Variants in TCF20 observed in about 807,000 individuals in gnomAD.
TCF20 encodes the protein SPRE-binding protein.
Under a neutral mutation model 148.6 loss-of-function variants are expected in TCF20, and 3 were observed. The ratio of observed to expected loss-of-function variants is 0.02; its 90% confidence interval spans 0.01 to 0.05. The LOEUF (loss-of-function observed/expected upper bound fraction) is 0.05, where lower values mean the gene tolerates loss of function less well. Among genes scored for constraint, TCF20 ranks in the 10% least tolerant of loss-of-function variants. TCF20 has a pLI of 1.00. For synonymous variants in TCF20, 1,049 were observed against 909.5 expected (o/e 1.15, Z -2.76); for missense variants, 2,350 against 2,429.3 (o/e 0.97, Z 0.69).
At chr22:42,335,013 C>T (rs1412196537) in intron 1 of TCF20, among the ~76,000 whole-genome samples, 1 of 152,156 alleles carries the variant, frequency 6.6e-6, no homozygotes. Flanking sequence ...CAGAGCTGTA[C>T]ACCCTCTGGG....
chr22:42,253,006 G>A (rs1925503511), intron 1 of TCF20, among the ~76,000 whole-genome samples: 1 of 152,004 alleles, frequency 6.6e-6, no homozygotes, highest in African/African-American at 2.4e-5. Flanking sequence ...ACTGAATCAG[G>A]TCAATAAGAG....
At chr22:42,230,789 G>A (rs1233097334) in intron 1 of TCF20, among the ~76,000 whole-genome samples, 1 of 151,956 alleles carries the variant, frequency 6.6e-6, no homozygotes, top group Admixed American at 6.6e-5. Context: ...CCCTGTGTAG[G>A]TTTAGGCTAA....
At chr22:42,196,606 A>G (rs1454513593) in intron 2 of TCF20, among the ~76,000 whole-genome samples, 1 of 152,226 alleles carries the variant, frequency 6.6e-6, no homozygotes, top group East Asian at 1.9e-4. Context: ...TTCACCTGAC[A>G]TGTGTCTGAA....
chr22:42,327,576 AC>A (rs1927897029), intron 1 of TCF20, among the ~76,000 whole-genome samples: 1 of 152,046 alleles, frequency 6.6e-6, no homozygotes, highest in Admixed American at 6.6e-5. Context: ...ACACATTCCC[AC>A]AATAAGTCCT....
At chr22:42,165,939 C>T (rs1210532758) in intron 5 of TCF20, among the ~76,000 whole-genome samples, 4 of 152,210 alleles carry the variant, frequency 2.6e-5, no homozygotes, top group African/African-American at 7.2e-5. Flanking sequence ...CACGCACATT[C>T]GCTGTCTGTT....
chr22:42,281,186 A>G (rs1926894938), intron 1 of TCF20, among the ~76,000 whole-genome samples: 1 of 152,118 alleles, frequency 6.6e-6, no homozygotes, highest in South Asian at 2.1e-4. Context: ...GCTGGTCCTG[A>G]GACTCCAAAT....
chr22:42,334,149 A>G (rs1928025536), intron 1 of TCF20, among the ~76,000 whole-genome samples: 1 of 152,110 alleles, frequency 6.6e-6, no homozygotes, highest in Non-Finnish European at 1.5e-5. Context: ...CCTCCCTGGG[A>G]CCTTGGGTGG....
At chr22:42,245,915 A>G (rs942394357) in intron 1 of TCF20, among the ~76,000 whole-genome samples, 8 of 152,136 alleles carry the variant, frequency 5.3e-5, no homozygotes, top group African/African-American at 1.9e-4. Flanking sequence ...AGCCAGCTCT[A>G]TGGTCAAATT....
chr22:42,161,277 G>T lies in TCF20; in HGVS notation c.*126C>A. On this transcript the variant is annotated 3_prime_UTR_variant, in exon 6 of 6. Coordinates refer to ENST00000677622, the MANE Select transcript of TCF20 (RefSeq NM_001378418.1). ...AGGCACGCGGGCGGGGCGGGGCGGG[G>T]CAGGGCAGGGTGTGGCTGCACGGTA... is the stretch of plus-strand genomic sequence containing the variant. 4 of 1,604,474 alleles carry T rather than the reference G, an allele frequency of 2.5e-6. No individual in the cohort carries two copies. Among genetic ancestry groups the T allele is most frequent in the Non-Finnish European group, 3.4e-6 (4 of 1,174,738 alleles).
At position 42,322,072 on chromosome 22, in the gene TCF20, C is replaced by T. The variant is rs969663321; in HGVS notation, c.-37+21407G>A. The stretch of plus-strand genomic sequence containing the variant: ...AACAAGGCCCAGCACTCAGCAATTG[C>T]TCAATAAATATGAGCAGGTATTACG... On this transcript the variant is annotated intron_variant, in intron 1 of 1. Transcript: ENST00000515426. 7.9e-5 allele frequency among the ~76,000 whole-genome samples: 12 copies of T among 151,988 alleles called. No homozygotes were observed. The East Asian group carries it at 2.3e-3, about 29-fold the overall frequency.
intron 2 of TCF20, among the ~76,000 whole-genome samples, chr22:42,203,202 A>G (rs1938159423): frequency 1.3e-5 from 2 of 151,874 alleles, no homozygotes; most frequent in Non-Finnish European, 2.9e-5. Flanking sequence ...TAATTTTCGT[A>G]TTTTTGGTAG....
intron 2 of TCF20, among the ~76,000 whole-genome samples, chr22:42,181,788 T>C (rs1663509337): frequency 1.3e-5 from 2 of 151,824 alleles, no homozygotes; most frequent in Admixed American, 1.3e-4. Flanking sequence ...TCAAAAAATG[T>C]TTTTGTAGAG....
intron 1 of TCF20, among the ~76,000 whole-genome samples, chr22:42,220,960 C>A (rs904514316): frequency 6.6e-6 from 1 of 152,192 alleles, no homozygotes; most frequent in Non-Finnish European, 1.5e-5. Flanking sequence ...TTCCTGTTGG[C>A]TTCCCCAAAC....
chr22:42,256,787 G>A (rs753755911), intron 1 of TCF20, among the ~76,000 whole-genome samples: 1 of 152,254 alleles, frequency 6.6e-6, no homozygotes, highest in South Asian at 2.1e-4. Context: ...TGTGTTTATA[G>A]GAGTCATCTG....
chr22:42,255,714 G>A (rs1296659497), intron 1 of TCF20, among the ~76,000 whole-genome samples: 1 of 152,054 alleles, frequency 6.6e-6, no homozygotes, highest in Non-Finnish European at 1.5e-5. Context: ...AGAACAGTAA[G>A]AGGCCAAGAT....
intron 1 of TCF20, among the ~76,000 whole-genome samples, chr22:42,333,894 G>A (rs1416904151): frequency 6.6e-6 from 1 of 152,246 alleles, no homozygotes; most frequent in Admixed American, 6.5e-5. Flanking sequence ...CTGGGACACA[G>A]GACCATAGGC....
rs144033904 is a variant in TCF20 at position 42,160,981 on chromosome 22, T to TAA, written c.*420_*421dup. The stretch of plus-strand genomic sequence containing the variant: ...ACAAATTTGGAGATCTTTAACGAGA[T>TAA]AATTTTAAAACAGAATCAAAAGGGA... On this transcript the variant is annotated 3_prime_UTR_variant, in exon 6 of 6. Transcript: ENST00000677622. 1 of 187,202 alleles carries TAA rather than the reference T, an allele frequency of 5.3e-6. No individual in the cohort carries two copies. Among genetic ancestry groups the TAA allele is most frequent in the African/African-American group, 2.4e-5 (1 of 42,532 alleles). 11.6% of individuals were successfully genotyped at this position (187,202 alleles called of 1,614,324 possible).
At position 42,211,926 on chromosome 22, in the gene TCF20, T is replaced by C. The variant is rs1249283256; in HGVS notation, c.3380A>G (p.Gln1127Arg). The C allele has an allele frequency of 1.9e-6, 3 of 1,614,098 alleles. No homozygotes were observed. Among genetic ancestry groups the C allele is most frequent in the East Asian group, 2.2e-5 (1 of 44,896 alleles). The change falls in exon 2 of 6, where the codon CAG becomes CGG. Residue 1127 changes from glutamine (Q) to arginine (R), a missense_variant. Gln to Arg is a conservative substitution (Grantham distance 43). This residue lies in a region of TCF20 where 1,641 missense variants were observed against 1,662.6 expected (regional missense o/e 0.99). Coordinates refer to ENST00000677622, the MANE Select transcript of TCF20 (RefSeq NM_001378418.1). The part of the protein sequence containing the change: ...EGPRKSPRQQ[Q>R]FLDRVRSPLK... ...AGGGCTCCGTACTCTGTCAAGAAAC[T>C]GCTGCTGCCTTGGACTCTTCCGTGG...
intron 2 of TCF20, among the ~76,000 whole-genome samples, chr22:42,189,619 G>A (rs1601551363): frequency 6.6e-6 from 1 of 152,140 alleles, no homozygotes; most frequent in Non-Finnish European, 1.5e-5. Flanking sequence ...GAGTATTCTT[G>A]TAAGACACGA....
Sources: gnomAD v4.1 joint callset for allele counts (sites outside exome capture counted in the v4.1 genomes callset) on GRCh38, gnomAD v4.1.1 for gene constraint, gnomAD v4.1.1 regional missense constraint, MANE v1.5 for transcripts, NCBI Gene and HGNC (gene_info 2026-07-23, HGNC 2026-07-21) for gene names.